KCNQ3: variants seen among roughly 807,000 people sequenced by gnomAD.
KCNQ3 encodes the protein potassium voltage-gated channel subfamily KQT member 3.
Under a neutral mutation model 92.5 loss-of-function variants are expected in KCNQ3, and 30 were observed. The observed-to-expected ratio is 0.32, with a 90% CI of 0.24 to 0.44. The LOEUF is 0.44. KCNQ3 is among the 20% of genes least tolerant of loss of function. KCNQ3 has a pLI of 1.00. For synonymous variants in KCNQ3, 450 were observed against 468.8 expected (o/e 0.96, Z 0.52); for missense variants, 913 against 1,140.3 (o/e 0.80, Z 2.87).
At chr8:132,455,121 G>A (rs1821910478) in intron 1 of KCNQ3, among the ~76,000 whole-genome samples, 1 of 152,130 alleles carries the variant, frequency 6.6e-6, no homozygotes, top group African/African-American at 2.4e-5. Context: ...TAGTTAAAAT[G>A]GTAAATTTTT....
intron 1 of KCNQ3, among the ~76,000 whole-genome samples, chr8:132,384,434 C>T (rs753074117): frequency 9.2e-5 from 14 of 152,150 alleles, no homozygotes; most frequent in Non-Finnish European, 1.9e-4. Flanking sequence ...CTCCTACAAG[C>T]ACACAAACAG....
At chr8:132,476,448 G>A (rs931094750) in intron 1 of KCNQ3, among the ~76,000 whole-genome samples, 4 of 152,348 alleles carry the variant, frequency 2.6e-5, no homozygotes, top group African/African-American at 9.6e-5. Context: ...AGAGTCACAA[G>A]GGTGGAGCTG....
intron 1 of KCNQ3, among the ~76,000 whole-genome samples, chr8:132,432,925 T>C (rs1436253081): frequency 2.6e-5 from 4 of 152,176 alleles, no homozygotes; most frequent in Non-Finnish European, 5.9e-5. Flanking sequence ...TTGCCACCAC[T>C]TGAAGAGAAC....
At chr8:132,311,516 C>G (rs1328271776) in intron 1 of KCNQ3, among the ~76,000 whole-genome samples, 1 of 152,160 alleles carries the variant, frequency 6.6e-6, no homozygotes, top group Non-Finnish European at 1.5e-5. Flanking sequence ...TAAAATGCCA[C>G]CAAGGACACA....
At chr8:132,197,233 C>T (rs1214545103) in intron 1 of KCNQ3, among the ~76,000 whole-genome samples, 4 of 152,190 alleles carry the variant, frequency 2.6e-5, no homozygotes, top group Admixed American at 2.6e-4. Flanking sequence ...TCTACGCATG[C>T]CATATTTGGG....
intron 9 of KCNQ3, among the ~76,000 whole-genome samples, chr8:132,143,020 C>T (rs1232791190): frequency 6.6e-6 from 1 of 152,110 alleles, no homozygotes; most frequent in African/African-American, 2.4e-5. Flanking sequence ...ATACGGAAGG[C>T]ATTAAGAAAC....
intron 1 of KCNQ3, among the ~76,000 whole-genome samples, chr8:132,430,526 C>T (rs773423924): frequency 4.6e-5 from 7 of 152,152 alleles, no homozygotes. Flanking sequence ...TGTGTGAAAT[C>T]AAGTGTTGAG....
At chr8:132,375,257 T>C (rs1819576730) in intron 1 of KCNQ3, among the ~76,000 whole-genome samples, 1 of 152,224 alleles carries the variant, frequency 6.6e-6, no homozygotes, top group African/African-American at 2.4e-5. Flanking sequence ...AATATTAAAC[T>C]TATTACCTGT....
chr8:132,294,000 G>GTGTGTGTGTGTTTTTTTTTGTTGTTGTTT (rs1816939658), intron 1 of KCNQ3, among the ~76,000 whole-genome samples: 70 of 124,176 alleles, frequency 5.6e-4, no homozygotes, highest in African/African-American at 2.2e-3. Flanking sequence ...TGTGTGTGTG[G>GTGTGTGTGTGTTTTTTTTTGTTGTTGTTT]TTTTTTTTTT....
chr8:132,216,550 T>G (rs1314600378), intron 1 of KCNQ3, among the ~76,000 whole-genome samples: 4 of 152,208 alleles, frequency 2.6e-5, no homozygotes, highest in Non-Finnish European at 5.9e-5. Flanking sequence ...CAATTCCACT[T>G]GGATCCCAAA....
At chr8:132,139,939 G>A in intron 11 of KCNQ3, 137 bp downstream of exon 11, 2 of 641,446 alleles carry the variant, frequency 3.1e-6, no homozygotes, top group Non-Finnish European at 5.5e-6. Flanking sequence ...ATACTTCAGG[G>A]ACCTAACTCA....
chr8:132,204,532 A>G (rs1223755182), intron 1 of KCNQ3, among the ~76,000 whole-genome samples: 2 of 152,190 alleles, frequency 1.3e-5, no homozygotes, highest in Non-Finnish European at 2.9e-5. Flanking sequence ...GCTGGGCATC[A>G]GGGCAATTGT....
In KCNQ3 at chr8:132,480,670, A is replaced by ACCC. The variant is rs879019805; in HGVS notation, c.-141_-139dup. On this transcript the variant is annotated 5_prime_UTR_variant, in exon 1 of 15. Transcript: ENST00000388996. ...TGCCATGATCCGCGCGCCCCTCCCC[A>ACCC]CCCCCCCCCAAAAGCAGGCAAAGGC... The ACCC allele has an allele frequency of 4.1e-3, 2,959 of 727,950 alleles. 15 individuals are homozygous for ACCC. Among genetic ancestry groups the ACCC allele is most frequent in the African/African-American group, 0.026 (1,120 of 43,890 alleles). The allele number at this position is 727,950 out of a possible 1,614,324, so 45.1% of individuals were successfully genotyped here. A position where few individuals can be genotyped will look rare whatever the true frequency, so the allele number is the denominator to read the frequency against.
chr8:132,369,573 G>GCACA (rs3049658), intron 1 of KCNQ3, among the ~76,000 whole-genome samples: 87 of 148,250 alleles, frequency 5.9e-4, no homozygotes, highest in Non-Finnish European at 8.2e-4. Flanking sequence ...TGCTCAAACA[G>GCACA]CACACACACA....
chr8:132,226,934 CATT>C (rs1814439610), intron 1 of KCNQ3, among the ~76,000 whole-genome samples: 1 of 152,042 alleles, frequency 6.6e-6, no homozygotes, highest in South Asian at 2.1e-4. Context: ...AGAAAAATAT[CATT>C]GACTTCATTT....
rs1814210631 is a variant in KCNQ3, at chr8:132,221,035, C to A, written c.387-34854G>T. On this transcript the variant is annotated intron_variant, in intron 1 of 14. Coordinates refer to ENST00000388996, the MANE Select transcript of KCNQ3 (RefSeq NM_004519.4). ...CCTGTGTCCAAGTGTTCTCATTGTT[C>A]AATTCCCACCTATGAGTGAGAACAT... is the stretch of plus-strand genomic sequence containing the variant. Among the ~76,000 whole-genome samples the A allele has an allele frequency of 2.6e-5, 4 of 152,240 alleles. No homozygotes were observed. In the South Asian group the frequency reaches 6.2e-4, roughly 24 times the overall value.
At chr8:132,434,220 AAAAAAAAT>A (rs1231128582) in intron 1 of KCNQ3, among the ~76,000 whole-genome samples, 1 of 150,532 alleles carries the variant, frequency 6.6e-6, no homozygotes, top group Non-Finnish European at 1.5e-5. Context: ...AAAAAAAAAA[AAAAAAAAT>A]AATAATAATA....
At chr8:132,293,610 A>C (rs1816921507) in intron 1 of KCNQ3, among the ~76,000 whole-genome samples, 1 of 152,222 alleles carries the variant, frequency 6.6e-6, no homozygotes, top group South Asian at 2.1e-4. Context: ...ATGAGTCATC[A>C]GTCCCTGCAT....
chr8:132,327,850 G>A (rs1818104748), intron 1 of KCNQ3, among the ~76,000 whole-genome samples: 1 of 152,168 alleles, frequency 6.6e-6, no homozygotes, highest in Non-Finnish European at 1.5e-5. Context: ...GCCCCCCATG[G>A]TGTGGGAAGG....
Sources: gnomAD v4.1 joint callset for allele counts (sites outside exome capture counted in the v4.1 genomes callset) on GRCh38, gnomAD v4.1.1 for gene constraint, MANE v1.5 for transcripts, NCBI Gene and HGNC (gene_info 2026-07-23, HGNC 2026-07-21) for gene names.